PCDHGA2: variants seen among roughly 807,000 people sequenced by gnomAD.
PCDHGA2 encodes the protein protocadherin gamma subfamily A, 2.
In PCDHGA2, 40 loss-of-function variants were observed where a neutral mutation model predicts 59.2. The ratio of observed to expected loss-of-function variants is 0.68; its 90% CI spans 0.52 to 0.88. The LOEUF (loss-of-function observed/expected upper bound fraction) is 0.88, where lower values mean the gene tolerates loss of function less well. PCDHGA2 is among the 40% of genes least tolerant of loss of function. The pLI, the probability that PCDHGA2 is intolerant of heterozygous loss-of-function variation, is 0.00. For synonymous variants in PCDHGA2, 560 were observed against 526.0 expected (o/e 1.06, Z -0.89); for missense variants, 1,226 against 1,204.0 (o/e 1.02, Z -0.27).
At chr5:141,421,065 A>C in intron 1 of PCDHGA2, 1 of 591,556 alleles carries the variant, frequency 1.7e-6, no homozygotes. Flanking sequence ...CACAAAGCGG[A>C]ATGAGATGGA....
At chr5:141,365,333 G>A in intron 1 of PCDHGA2, 2 of 1,613,942 alleles carry the variant, frequency 1.2e-6, no homozygotes, top group East Asian at 2.2e-5. Flanking sequence ...TAAGGTGGTG[G>A]TCACAGTACA....
chr5:141,394,100 A>G (rs370480326), intron 1 of PCDHGA2: 2 of 1,613,942 alleles, frequency 1.2e-6, no homozygotes, highest in Non-Finnish European at 1.7e-6. Context: ...ATCTAGGAAC[A>G]CCACCTCTGT....
At chr5:141,388,893 G>C in intron 1 of PCDHGA2, 2 of 1,613,982 alleles carry the variant, frequency 1.2e-6, no homozygotes, top group South Asian at 2.2e-5. Flanking sequence ...AGAAGTCATA[G>C]ATGAAAATGA....
intron 1 of PCDHGA2, among the ~76,000 whole-genome samples, chr5:141,429,774 G>A (rs1175985162): frequency 6.6e-6 from 1 of 152,070 alleles, no homozygotes; most frequent in Non-Finnish European, 1.5e-5. Context: ...ATTTTGATGG[G>A]CTTCCAAAAG....
At chr5:141,345,830 C>A in intron 1 of PCDHGA2, 1 of 1,613,572 alleles carries the variant, frequency 6.2e-7, no homozygotes, top group South Asian at 1.1e-5. Flanking sequence ...GAGACTCGGG[C>A]CAGAACGCCT....
chr5:141,419,084 GC>G (rs1218012099), intron 1 of PCDHGA2: 1 of 1,613,802 alleles, frequency 6.2e-7, no homozygotes, highest in African/African-American at 1.3e-5. Flanking sequence ...AACAGATGAG[GC>G]CCTGGATCGG....
chr5:141,489,546 C>T lies in PCDHGA2; in HGVS notation c.2425-5261C>T, dbSNP rs1404605129. ...GCCTATGTGGAGCCAGCACCAGCTGCCTGCTGCCAGTGCAGGTGGTGACTG... is the reference window on the plus strand; with the variant it reads ...GCCTATGTGGAGCCAGCACCAGCTGTCTGCTGCCAGTGCAGGTGGTGACTG... On this transcript the variant is annotated intron_variant, in intron 1 of 3. Coordinates refer to ENST00000394576, the MANE Select transcript of PCDHGA2 (RefSeq NM_018915.4). The surrounding 1 kb of genome is among the most constrained non-coding windows in gnomAD (Gnocchi z 4.5). 2 of 1,614,076 alleles carry T rather than the reference C, an allele frequency of 1.2e-6. No homozygotes were observed. The highest frequency in any genetic ancestry group is 2.2e-5 in the East Asian group (1 of 44,868).
At chr5:141,478,159 T>C (rs1456465606) in intron 1 of PCDHGA2, 2 of 1,614,064 alleles carry the variant, frequency 1.2e-6, no homozygotes, top group Admixed American at 1.7e-5. Flanking sequence ...CCTCTGGCTC[T>C]GCCCCCCGGG....
In PCDHGA2 at chr5:141,339,880, CAT is replaced by C. The variant is rs753788079; in HGVS notation, c.911_912del (p.Ile304LysfsTer6). The C allele has an allele frequency of 1.2e-6, 2 of 1,614,116 alleles. No homozygotes were observed. The highest frequency in any genetic ancestry group is 1.7e-6 in the Non-Finnish European group (2 of 1,180,004). ...AGTCAACATCTGGAGAACTGACAATCATAAAAGATCTAGATTATGAGGATGCT... is the reference window on the plus strand; with the variant it reads ...AGTCAACATCTGGAGAACTGACAATCAAAAGATCTAGATTATGAGGATGCT... Reference protein sequence around the residue: ...LKSTSGELTIIKDLDYEDATF... With the variant: ...LKSTSGELTIXKDLDYEDATF... On this transcript the variant is annotated frameshift_variant, in exon 1 of 4. Coordinates refer to ENST00000394576, the MANE Select transcript of PCDHGA2 (RefSeq NM_018915.4). LOFTEE classifies it high-confidence loss of function.
intron 1 of PCDHGA2, among the ~76,000 whole-genome samples, chr5:141,438,833 T>C (rs989612425): frequency 6.6e-6 from 1 of 150,476 alleles, no homozygotes; most frequent in Non-Finnish European, 1.5e-5. Context: ...AGCTAATTTT[T>C]TAAAATATTT....
chr5:141,400,880 T>C (rs919340566), intron 1 of PCDHGA2, among the ~76,000 whole-genome samples: 1 of 152,276 alleles, frequency 6.6e-6, no homozygotes, highest in Non-Finnish European at 1.5e-5. Flanking sequence ...TTAAATTTAA[T>C]GTATGTAATC....
intron 1 of PCDHGA2, among the ~76,000 whole-genome samples, chr5:141,425,699 G>A (rs535043616): frequency 6.6e-6 from 1 of 152,260 alleles, no homozygotes; most frequent in Non-Finnish European, 1.5e-5. Context: ...ATTTCATAGT[G>A]GTCAAAATTT....
intron 1 of PCDHGA2, chr5:141,371,904 T>A (rs1375493299): frequency 6.2e-7 from 1 of 1,613,398 alleles, no homozygotes. Context: ...GCTGTCGTCC[T>A]ACGTGTCCGT....
intron 1 of PCDHGA2, among the ~76,000 whole-genome samples, chr5:141,451,062 T>C (rs1292296274): frequency 1.3e-5 from 2 of 151,500 alleles, no homozygotes; most frequent in Non-Finnish European, 2.9e-5. Flanking sequence ...ACTCCTGACC[T>C]TGTGATCCAC....
At chr5:141,399,483 CTACT>C in intron 1 of PCDHGA2, 2 of 1,614,048 alleles carry the variant, frequency 1.2e-6, no homozygotes, top group Non-Finnish European at 8.5e-7. Context: ...ACCAGGCGTC[CTACT>C]TAGTCAGTGT....
Position 141,432,400 on chromosome 5 carries a change from G to C in PCDHGA2, c.2425-62407G>C, listed in dbSNP as rs139153105. ...ACCCGCCCCTCAGCAGCAACGTGTC[G>C]TTGAGCCTGTTCGTGCTGGACCAGA... is the stretch of plus-strand genomic sequence containing the variant. On this transcript the variant is annotated intron_variant, in intron 1 of 3. Coordinates refer to ENST00000394576, the MANE Select transcript of PCDHGA2 (RefSeq NM_018915.4). This position sits in a 1 kb window ranked among gnomAD's most constrained non-coding sequence, Gnocchi z 6.0. 1.2e-6 allele frequency: 2 copies of C among 1,614,240 alleles called. No individual in the cohort carries two copies. Among genetic ancestry groups the C allele is most frequent in the South Asian group, 2.2e-5 (2 of 91,090 alleles).
chr5:141,415,740 GTTTTTTTTTTTTTT>G (rs57426385), intron 1 of PCDHGA2: 52 of 625,016 alleles, frequency 8.3e-5, no homozygotes, highest in East Asian at 4.1e-4. Context: ...GTTTATTAAG[GTTTTTTTTTTTTTT>G]TTTTTTTTTT....
chr5:141,420,975 G>A, intron 1 of PCDHGA2: 2 of 458,946 alleles, frequency 4.4e-6, no homozygotes, highest in South Asian at 4.2e-5. Context: ...TAATAAGAAT[G>A]GGCTCTAGGC....
chr5:141,425,834 C>A (rs925446924), intron 1 of PCDHGA2, among the ~76,000 whole-genome samples: 1 of 152,220 alleles, frequency 6.6e-6, no homozygotes, highest in Non-Finnish European at 1.5e-5. Context: ...CTTTTAAATT[C>A]TCTTTGCTGG....
Sources: allele counts gnomAD v4.1 joint callset (sites outside exome capture counted in the v4.1 genomes callset), GRCh38; gene constraint gnomAD v4.1.1; non-coding constraint Gnocchi (gnomAD v3.1); transcripts MANE v1.5; gene names NCBI Gene and HGNC (gene_info 2026-07-23, HGNC 2026-07-21).